SERINC5: variants seen among roughly 807,000 people sequenced by gnomAD.
The protein encoded by SERINC5 is serine incorporator 5.
A neutral mutation model predicts 63.1 loss-of-function variants in SERINC5; 41 were observed. The observed-to-expected ratio is 0.65, with a 90% CI of 0.51 to 0.84. SERINC5 has a LOEUF of 0.84. SERINC5 is among the 40% of genes least tolerant of loss of function. The pLI, the probability that SERINC5 is intolerant of heterozygous loss-of-function variation, is 0.00. For synonymous variants in SERINC5, 222 were observed against 215.2 expected (o/e 1.03, Z -0.28); for missense variants, 523 against 573.0 (o/e 0.91, Z 0.89).
intron 11 of SERINC5, among the ~76,000 whole-genome samples, chr5:80,127,120 A>C (rs1199775041): frequency 1.3e-5 from 2 of 152,170 alleles, no homozygotes; most frequent in African/African-American, 4.8e-5. Flanking sequence ...AGTAGATTTT[A>C]TTACTCAAAA....
chr5:80,245,477 G>A (rs1466598549), intron 1 of SERINC5, among the ~76,000 whole-genome samples: 1 of 152,184 alleles, frequency 6.6e-6, no homozygotes, highest in Non-Finnish European at 1.5e-5. Context: ...AGTCTGTGAA[G>A]AAGCACTGGC....
chr5:80,255,283 C>G (rs1023081638), intron 1 of SERINC5: 7 of 152,656 alleles, frequency 4.6e-5, no homozygotes, highest in African/African-American at 1.7e-4. Flanking sequence ...CCTACCCAGG[C>G]AGTCGTGCTA....
At chr5:80,138,709 A>G (rs1580047502), downstream of SERINC5, 2 of 560,426 alleles carry the variant, frequency 3.6e-6, no homozygotes, top group Admixed American at 6.3e-5. Context: ...GAATATATAC[A>G]TATTTCAAAA....
At chr5:80,179,870 G>A (rs1304276172) in intron 2 of SERINC5, among the ~76,000 whole-genome samples, 1 of 152,170 alleles carries the variant, frequency 6.6e-6, no homozygotes, top group African/African-American at 2.4e-5. Context: ...TTCAAAGGCT[G>A]TACCAATTTA....
chr5:80,158,670 G>A, intron 8 of SERINC5, 166 bp downstream of exon 8: 1 of 592,188 alleles, frequency 1.7e-6, no homozygotes, highest in Non-Finnish European at 2.9e-6. Flanking sequence ...AACAAGTAAG[G>A]TGAACGAAGT....
At chr5:80,194,801 G>T (rs939283607) in intron 2 of SERINC5, among the ~76,000 whole-genome samples, 5 of 152,152 alleles carry the variant, frequency 3.3e-5, no homozygotes, top group Non-Finnish European at 7.3e-5. Context: ...GTGAATATCT[G>T]ACCAACAAGC....
At chr5:80,215,270 C>G (rs183619215) in intron 1 of SERINC5, among the ~76,000 whole-genome samples, 2 of 150,896 alleles carry the variant, frequency 1.3e-5, no homozygotes, top group Admixed American at 1.3e-4. Flanking sequence ...ATATCTCCCA[C>G]TCTCTCTCTC....
chr5:80,123,145 G>T (rs1744613224), intron 11 of SERINC5, among the ~76,000 whole-genome samples: 2 of 152,190 alleles, frequency 1.3e-5, no homozygotes, highest in South Asian at 4.1e-4. Flanking sequence ...TCCCAGCCTG[G>T]AGTGCAGTGG....
downstream of SERINC5, among the ~76,000 whole-genome samples, chr5:80,134,484 T>TCAAAA (rs886921790): frequency 1.3e-5 from 2 of 152,174 alleles, no homozygotes; most frequent in Non-Finnish European, 1.5e-5. Flanking sequence ...AGACTCTGTC[T>TCAAAA]CAAAACAAAA....
At chr5:80,242,255 A>G (rs1751973545) in intron 1 of SERINC5, among the ~76,000 whole-genome samples, 1 of 152,222 alleles carries the variant, frequency 6.6e-6, no homozygotes, top group Middle Eastern at 3.2e-3. Context: ...GTATAAAGAC[A>G]GATTAGTTGA....
In SERINC5 at chr5:80,169,365, A is replaced by G; in HGVS notation, c.733T>C (p.Leu245=). The change falls in exon 6 of 12, where the codon TTG becomes CTG. Residue 245 remains leucine, a synonymous_variant. Coordinates refer to ENST00000507668, the MANE Select transcript of SERINC5 (RefSeq NM_001174072.3). The part of the protein sequence containing the change: ...VNGGLCLLIS[L]VAISPWVQNR... ...TGGACCCAGGGTGAGATGGCTACCA[A>G]TGATATAAGCAGGCACAGGCCTCCA... 3 of 1,614,036 alleles carry G rather than the reference A, an allele frequency of 1.9e-6. No homozygotes were observed. The highest frequency in any genetic ancestry group is 2.5e-6 in the Non-Finnish European group (3 of 1,179,878).
chr5:80,228,346 T>A (rs957363416), intron 1 of SERINC5, among the ~76,000 whole-genome samples: 2 of 151,494 alleles, frequency 1.3e-5, no homozygotes, highest in Non-Finnish European at 2.9e-5. Flanking sequence ...AAAAAATGTA[T>A]AGACACTCAG....
intron 5 of SERINC5, among the ~76,000 whole-genome samples, chr5:80,173,270 GAAGGAAGGAAGA>G (rs1443829641): frequency 7.2e-5 from 10 of 138,182 alleles, no homozygotes; most frequent in African/African-American, 3.1e-4. Context: ...AGGAAGGAAG[GAAGGAAGGAAGA>G]AAATGAAATG....
chr5:80,157,535 T>G (rs1746616497), intron 8 of SERINC5: 1 of 39,482 alleles, frequency 2.5e-5, no homozygotes. Context: ...TTTTTTTTTT[T>G]TCGTAGAAAC....
chr5:80,167,462 TG>T (rs1747375062), intron 6 of SERINC5, among the ~76,000 whole-genome samples: 1 of 152,222 alleles, frequency 6.6e-6, no homozygotes, highest in Non-Finnish European at 1.5e-5. Context: ...ATAGTGTATA[TG>T]TACCACATTT....
At chr5:80,220,229 AAAAG>A (rs1410164670) in intron 1 of SERINC5, among the ~76,000 whole-genome samples, 1 of 92,248 alleles carries the variant, frequency 1.1e-5, no homozygotes, top group South Asian at 2.9e-4. Flanking sequence ...ATAAAAAAAA[AAAAG>A]AGAGAGAGAG....
At chr5:80,215,367 C>CAT (rs1181828845) in intron 1 of SERINC5, among the ~76,000 whole-genome samples, 5 of 152,200 alleles carry the variant, frequency 3.3e-5, no homozygotes, top group Non-Finnish European at 7.3e-5. Context: ...TCCCCAAAAG[C>CAT]AGAACCTGCT....
At chr5:80,112,668 C>T (rs1744164733) in intron 12 of SERINC5, among the ~76,000 whole-genome samples, 1 of 152,008 alleles carries the variant, frequency 6.6e-6, no homozygotes, top group Admixed American at 6.6e-5. Flanking sequence ...ATGTTTAGGC[C>T]GGGTGCAATA....
intron 2 of SERINC5, among the ~76,000 whole-genome samples, chr5:80,183,392 G>A (rs1748580953): frequency 6.6e-6 from 1 of 152,154 alleles, no homozygotes; most frequent in African/African-American, 2.4e-5. Flanking sequence ...ATCCCAGCGA[G>A]AACAGTCTGG....
Sources: allele counts gnomAD v4.1 joint callset (sites outside exome capture counted in the v4.1 genomes callset), GRCh38; gene constraint gnomAD v4.1.1; transcripts MANE v1.5; gene names NCBI Gene and HGNC (gene_info 2026-07-23, HGNC 2026-07-21).